Variants in PCM1 observed in about 807,000 individuals in gnomAD.
The protein encoded by PCM1 is pericentriolar material 1 protein.
Under a neutral mutation model 241.9 loss-of-function variants are expected in PCM1, and 157 were observed. That is an observed-to-expected ratio of 0.65 (90% CI 0.57 to 0.74). PCM1 has a LOEUF of 0.74. Ranked by LOEUF, PCM1 falls within the 30% of genes least tolerant of loss-of-function variation. The pLI is 0.00. For missense variants in PCM1, 3,478 were observed against 2,360.1 expected (o/e 1.47, Z -9.81); for synonymous variants, 1,085 against 784.9 (o/e 1.38, Z -6.39).
chr8:17,937,210 A>G lies in PCM1; in HGVS notation c.173A>G (p.Lys58Arg). 1 of 1,605,248 alleles carries G rather than the reference A, an allele frequency of 6.2e-7. No homozygotes were observed. Among genetic ancestry groups the G allele is most frequent in the East Asian group, 2.2e-5 (1 of 44,766 alleles). Residue 58 changes from lysine (K) to arginine (R), a missense_variant, in exon 4 of 39, where the codon AAA becomes AGA. Physicochemically the swap from Lys to Arg is conservative, Grantham distance 26. Coordinates refer to ENST00000325083, the MANE Select transcript of PCM1 (RefSeq NM_006197.4). ...AAAAAGTTTGGTGTAGAAAGTGATA[A>G]AAGAGTAACCAATGATATTTCTCCG... The part of the protein sequence containing the change: ...NKKKFGVESD[K>R]RVTNDISPES...
intron 26 of PCM1, among the ~76,000 whole-genome samples, chr8:17,988,375 C>G (rs868153931): frequency 2.0e-5 from 3 of 151,856 alleles, no homozygotes; most frequent in Middle Eastern, 6.8e-3. Flanking sequence ...AAGTGAGACA[C>G]CCTACCACCA....
intron 2 of PCM1, among the ~76,000 whole-genome samples, chr8:17,928,205 A>G (rs374283704): frequency 1.3e-5 from 2 of 152,138 alleles, no homozygotes; most frequent in East Asian, 3.9e-4. Flanking sequence ...GATTCAGTGG[A>G]GTGTTTATAT....
intron 11 of PCM1, 143 bp from the exon 12 acceptor site, chr8:17,957,121 G>A (rs1296300585): frequency 1.6e-6 from 1 of 624,284 alleles, no homozygotes; most frequent in East Asian, 2.7e-5. Flanking sequence ...TGAAAAGCAG[G>A]AGTCGATTAT....
At chr8:17,964,092 C>T (rs562865846) in intron 17 of PCM1, among the ~76,000 whole-genome samples, 5 of 152,228 alleles carry the variant, frequency 3.3e-5, no homozygotes, top group African/African-American at 9.6e-5. Context: ...GTATGGCAGC[C>T]ACTAGATATA....
chr8:17,986,676 C>G (rs2082714209), intron 26 of PCM1, among the ~76,000 whole-genome samples: 1 of 151,670 alleles, frequency 6.6e-6, no homozygotes, highest in Non-Finnish European at 1.5e-5. Context: ...ATAACAGTGA[C>G]AGAACTGCTA....
chr8:17,965,382 C>G (rs1398991002), intron 18 of PCM1, among the ~76,000 whole-genome samples: 1 of 152,188 alleles, frequency 6.6e-6, no homozygotes, highest in Non-Finnish European at 1.5e-5. Flanking sequence ...TTACGGATAA[C>G]AAAAGACATT....
At chr8:17,941,620 T>A (rs7843658) in intron 6 of PCM1, among the ~76,000 whole-genome samples, 39,520 of 151,890 alleles carry the variant, frequency 0.26, 6,191 homozygotes, top group African/African-American at 0.44. Flanking sequence ...GTGTTAAGAA[T>A]TTAATATGCT....
At chr8:17,993,733 CTA>C in intron 29 of PCM1, 114 bp downstream of exon 29, 1 of 836,216 alleles carries the variant, frequency 1.2e-6, no homozygotes, top group Non-Finnish European at 1.8e-6. Flanking sequence ...AACAAAAAAA[CTA>C]TCACCCATAA....
chr8:17,961,531 TCA>T (rs1491037323), intron 15 of PCM1, among the ~76,000 whole-genome samples: 2 of 152,122 alleles, frequency 1.3e-5, no homozygotes, highest in Non-Finnish European at 2.9e-5. Flanking sequence ...CAAGATGGTC[TCA>T]GTCTCCTGCC....
intron 21 of PCM1, 61 bp downstream of exon 21, chr8:17,967,231 T>G (rs1443974385): frequency 8.4e-7 from 1 of 1,189,020 alleles, no homozygotes; most frequent in African/African-American, 1.5e-5. Context: ...CAACGTAATT[T>G]GTCTATTGCC....
At chr8:17,989,735 G>A in intron 26 of PCM1, 124 bp from the exon 27 acceptor site, 2 of 679,098 alleles carry the variant, frequency 2.9e-6, no homozygotes, top group Non-Finnish European at 2.3e-6. Context: ...ACAGAATACT[G>A]AGGAAACTTA....
rs1009309040 is a variant in PCM1, at chr8:18,015,020, A to G, written c.5841+180A>G. On this transcript the variant is annotated intron_variant, in intron 36 of 38. Transcript: ENST00000325083. ...AGGGTAATAGTGAATTAAGATGACC[A>G]TCTCAAAACCCACATGCTGTTTTAT... 4.6e-5 allele frequency among the ~76,000 whole-genome samples: 7 copies of G among 152,292 alleles called. No homozygotes were observed. The East Asian group carries it at 5.8e-4, about 13-fold the overall frequency.
intron 6 of PCM1, among the ~76,000 whole-genome samples, chr8:17,945,627 C>G (rs1240618906): frequency 6.6e-6 from 1 of 152,142 alleles, no homozygotes; most frequent in South Asian, 2.1e-4. Flanking sequence ...CACAGTTACT[C>G]ATGCTCATTC....
intron 30 of PCM1, among the ~76,000 whole-genome samples, 181 bp downstream of exon 30, chr8:18,006,578 T>G (rs1423941645): frequency 6.6e-6 from 1 of 152,198 alleles, no homozygotes; most frequent in Non-Finnish European, 1.5e-5. Context: ...TAATATTGTA[T>G]TATTAGGTCC....
In PCM1 at chr8:17,969,744, C is replaced by G. The variant is rs982827425; in HGVS notation, c.3580C>G (p.Pro1194Ala). The G allele has an allele frequency of 6.6e-7, 1 of 1,509,396 alleles. No homozygotes were observed. The highest frequency in any genetic ancestry group is 8.8e-7 in the Non-Finnish European group (1 of 1,131,016). 93.5% of individuals were successfully genotyped at this position (1,509,396 alleles called of 1,614,324 possible). ...CAGTTCCTCTATTGGAGCAGAGAAACCAAGGTACTGATTGTAAACAGTCTT... is the reference window on the plus strand; with the variant it reads ...CAGTTCCTCTATTGGAGCAGAGAAAGCAAGGTACTGATTGTAAACAGTCTT... ...ESSSSIGAEK[P>A]RNKKLPEEEV... Residue 1194 changes from proline (P) to alanine (A), a missense_variant, in exon 22 of 39, where the codon CCA becomes GCA. Coordinates refer to ENST00000325083, the MANE Select transcript of PCM1 (RefSeq NM_006197.4).
rs759868390 is a variant in PCM1 at position 18,008,520 on chromosome 8, G to T, written c.4963-1027G>T. ...ACCTTCCCCCAAGCTATGGTTGGGG[G>T]AAAAGTTGTCTTCTGTGAAACCAGG... On this transcript the variant is annotated intron_variant, in intron 30 of 38. Coordinates refer to ENST00000325083, the MANE Select transcript of PCM1 (RefSeq NM_006197.4). Among the ~76,000 whole-genome samples, 6 of 152,270 alleles carry T rather than the reference G, an allele frequency of 3.9e-5. No individual in the cohort carries two copies. The South Asian group carries it at 6.2e-4, about 16-fold the overall frequency.
intron 6 of PCM1, among the ~76,000 whole-genome samples, chr8:17,941,222 G>A (rs1000815109): frequency 6.6e-6 from 1 of 152,160 alleles, no homozygotes; most frequent in Non-Finnish European, 1.5e-5. Context: ...AGAAATGGAA[G>A]GGTTAGGACG....
intron 36 of PCM1, among the ~76,000 whole-genome samples, chr8:18,021,236 T>C (rs1207021976): frequency 6.6e-6 from 1 of 152,148 alleles, no homozygotes; most frequent in Non-Finnish European, 1.5e-5. Flanking sequence ...GTCATTATTA[T>C]TAAAGGCCCT....
In PCM1 at chr8:18,018,665, G is replaced by A. The variant is rs537045071; in HGVS notation, c.5841+3825G>A. The stretch of plus-strand genomic sequence containing the variant: ...ATCTCTACTGAAAATATAAAAATTA[G>A]CTGGGAGTGCTGATGTACACCTGTA... On this transcript the variant is annotated intron_variant, in intron 36 of 38. Coordinates refer to ENST00000325083, the MANE Select transcript of PCM1 (RefSeq NM_006197.4). Among the ~76,000 whole-genome samples the A allele has an allele frequency of 9.8e-4, 148 of 151,708 alleles. 5 individuals carry two copies. The South Asian group carries it at 0.029, about 30-fold the overall frequency.
Sources: allele counts gnomAD v4.1 joint callset (sites outside exome capture counted in the v4.1 genomes callset), GRCh38; gene constraint gnomAD v4.1.1; transcripts MANE v1.5; gene names NCBI Gene and HGNC (gene_info 2026-07-23, HGNC 2026-07-21).